Variants in MAGEB17 observed in about 807,000 individuals in gnomAD.
MAGEB17 encodes MAGE family member B17, also known as melanoma-associated antigen B17.
For synonymous variants in MAGEB17, 110 were observed against 112.4 expected (o/e 0.98, Z 0.13); for missense variants, 251 against 281.4 (o/e 0.89, Z 0.77).
intron 1 of MAGEB17, among the ~76,000 whole-genome samples, chrX:16,169,879 A>G (rs995165177): frequency 9.0e-6 from 1 of 111,445 alleles, no homozygotes. Flanking sequence ...AAGGCCATGA[A>G]CAGGGGTGGC....
chrX:16,170,252 C>T, intron 1 of MAGEB17, 82 bp from the exon 2 acceptor site: 1 of 1,079,389 alleles, frequency 9.3e-7, no homozygotes, highest in East Asian at 3.3e-5. Flanking sequence ...GAGCAGGGTC[C>T]TCAAGGACAC....
rs1342059919 is a variant in MAGEB17, at chrX:16,170,988, G to C, written c.606G>C (p.Leu202=). Residue 202 remains leucine, a synonymous_variant, in exon 2 of 2, where the codon CTG becomes CTC. Coordinates refer to ENST00000400004, the MANE Select transcript of MAGEB17 (RefSeq NM_001277307.2). ...GGGGCTTTCCCCTGAGCGGGCTCCT[G>C]ATGGTTCTCCTGAGCACCATCTTCA... ...DGGGFPLSGL[L]MVLLSTIFMH... is the part of the protein sequence containing the mutation. 1.7e-6 allele frequency: 2 copies of C among 1,167,147 alleles called. No homozygotes were observed. The highest frequency in any genetic ancestry group is 5.1e-5 in the Admixed American group (2 of 38,838).
chrX:16,171,215 G>A lies in MAGEB17; in HGVS notation c.833G>A (p.Arg278His), dbSNP rs1012701035. The A allele has an allele frequency of 2.0e-5, 24 of 1,208,259 alleles. No homozygotes were observed. Among genetic ancestry groups the A allele is most frequent in the Non-Finnish European group, 2.3e-5 (21 of 894,510 alleles). ...RYEFLWGPRA[R>H]AETSKMKVLE... The stretch of plus-strand genomic sequence containing the variant: ...GAGTTCCTGTGGGGTCCCAGGGCCC[G>A]TGCTGAAACCAGCAAAATGAAAGTC... The change falls in exon 2 of 2, where the codon CGT (arginine) becomes CAT (histidine). Residue 278 changes from arginine to histidine, a missense_variant. Coordinates refer to ENST00000400004, the MANE Select transcript of MAGEB17 (RefSeq NM_001277307.2).
chrX:16,168,782 C>T (rs1481218603), intron 1 of MAGEB17: 1 of 112,135 alleles, frequency 8.9e-6, no homozygotes, highest in Non-Finnish European at 1.9e-5. Context: ...GGTCAAGTAG[C>T]AAGGTGAAGA....
In MAGEB17 at chrX:16,171,018, T is replaced by C. The variant is rs1923049988; in HGVS notation, c.636T>C (p.His212=). The part of the protein sequence containing the change: ...LMVLLSTIFM[H]GNRATEEEMW... ...TTCTCCTGAGCACCATCTTCATGCATGGCAACCGTGCCACTGAGGAAGAGA... is the reference window on the plus strand; with the variant it reads ...TTCTCCTGAGCACCATCTTCATGCACGGCAACCGTGCCACTGAGGAAGAGA... Residue 212 remains histidine (H), a synonymous_variant, in exon 2 of 2, where the codon CAT becomes CAC. Transcript: ENST00000400004. The C allele has an allele frequency of 8.6e-7, 1 of 1,167,092 alleles. No homozygotes were observed. The highest frequency in any genetic ancestry group is 1.1e-6 in the Non-Finnish European group (1 of 872,892).
chrX:16,170,417 G>A lies in MAGEB17; in HGVS notation c.35G>A (p.Arg12His), dbSNP rs1388945346. ...GGTCAGGCGAGTAAGCGCCGTGCCC[G>A]TGAGAAACGCCGCCAGGCTCGAGGT... ...PRGQASKRRAREKRRQARGED... is the reference protein window; with the variant it reads ...PRGQASKRRAHEKRRQARGED... The change falls in exon 2 of 2, where the codon CGT (arginine) becomes CAT (histidine). Residue 12 changes from arginine (R) to histidine (H), a missense_variant. Transcript: ENST00000400004. The A allele has an allele frequency of 4.3e-6, 5 of 1,164,801 alleles. No individual in the cohort carries two copies. The highest frequency in any genetic ancestry group is 3.6e-5 in the African/African-American group (2 of 55,665).
intron 1 of MAGEB17, chrX:16,168,968 C>T (rs1230025110): frequency 8.9e-6 from 1 of 111,902 alleles, no homozygotes; most frequent in Non-Finnish European, 1.9e-5. Flanking sequence ...CAGGAGACCA[C>T]ATAGAGTCTC....
At chrX:16,169,965 G>A (rs1477207020) in intron 1 of MAGEB17, among the ~76,000 whole-genome samples, 2 of 111,029 alleles carry the variant, frequency 1.8e-5, no homozygotes, top group Non-Finnish European at 3.8e-5. Flanking sequence ...GACCTGAAGG[G>A]AAGGGCCTCA....
chrX:16,170,676 G>A lies in MAGEB17; in HGVS notation c.294G>A (p.Pro98=), dbSNP rs1569131753. 3.4e-6 allele frequency: 4 copies of A among 1,165,593 alleles called. No individual in the cohort carries two copies. The highest frequency in any genetic ancestry group is 1.8e-5 in the African/African-American group (1 of 55,740). The change falls in exon 2 of 2, where the codon CCG becomes CCA. Residue 98 remains proline (P), a synonymous_variant. Coordinates refer to ENST00000400004, the MANE Select transcript of MAGEB17 (RefSeq NM_001277307.2). ...AAAGTCCCAACTCCTTCCATGGCCC[G>A]TCCTCCTCTGAGAGCACAGGAAGAG... ...KGESPNSFHG[P]SSSESTGRDL...
At position 16,170,460 on chromosome X, in the gene MAGEB17, G is replaced by A. The variant is rs2147044719; in HGVS notation, c.78G>A (p.Gly26=). 8.6e-7 allele frequency: 1 copy of A among 1,165,222 alleles called. No individual in the cohort carries two copies. The highest frequency in any genetic ancestry group is 1.9e-5 in the South Asian group (1 of 52,481). The change falls in exon 2 of 2, where the codon GGG becomes GGA. Residue 26 remains glycine (G), a synonymous_variant. Transcript: ENST00000400004. ...CTCGAGGTGAAGACCAATGTCTCGG[G>A]GGTGCTCAAGCCACCGCAGCAGAGA... ...RQARGEDQCL[G]GAQATAAEKE... is the part of the protein sequence containing the mutation.
intron 1 of MAGEB17, among the ~76,000 whole-genome samples, chrX:16,169,066 C>T (rs1488031852): frequency 8.9e-6 from 1 of 111,961 alleles, no homozygotes; most frequent in East Asian, 2.8e-4. Flanking sequence ...GGTGGCGTTT[C>T]AGAGAAGTGG....
chrX:16,169,550 G>T (rs993682373), intron 1 of MAGEB17, among the ~76,000 whole-genome samples: 2 of 111,916 alleles, frequency 1.8e-5, no homozygotes, highest in African/African-American at 6.5e-5. Context: ...GGTTAAGACA[G>T]GAGTGTTTTC....
chrX:16,171,128 A>T lies in MAGEB17; in HGVS notation c.746A>T (p.Asp249Val), dbSNP rs1235522785. 1 of 1,210,162 alleles carries T rather than the reference A, an allele frequency of 8.3e-7. No individual in the cohort carries two copies. The highest frequency in any genetic ancestry group is 1.1e-6 in the Non-Finnish European group (1 of 894,801). Reference protein sequence around the residue: ...YGEPQELVTKDLVREGYLEYQ... With the variant: ...YGEPQELVTKVLVREGYLEYQ... Reference sequence around the variant, plus strand: ...GAGCCCCAGGAGCTTGTCACCAAAGATTTGGTGCGAGAGGGGTACCTGGAG... The same window carrying T: ...GAGCCCCAGGAGCTTGTCACCAAAGTTTTGGTGCGAGAGGGGTACCTGGAG... Residue 249 changes from aspartate to valine, a missense_variant, in exon 2 of 2, where the codon GAT becomes GTT. Coordinates refer to ENST00000400004, the MANE Select transcript of MAGEB17 (RefSeq NM_001277307.2).
In MAGEB17 at chrX:16,171,353, A is replaced by C. The variant is rs1401523455; in HGVS notation, c.971A>C (p.Asp324Ala). ...GCCAGAGCCAGAGCGGTAGCCAGGGATAGCGCCAGGGCCAGGGCTAGCAGG... is the reference window on the plus strand; with the variant it reads ...GCCAGAGCCAGAGCGGTAGCCAGGGCTAGCGCCAGGGCCAGGGCTAGCAGG... ...EQARARAVAR[D>A]SARARASRSF... The change falls in exon 2 of 2, where the codon GAT (aspartate) becomes GCT (alanine). Residue 324 changes from aspartate to alanine, a missense_variant. Physicochemically the swap from Asp to Ala is moderately radical, Grantham distance 126 (BLOSUM62 -2). Coordinates refer to ENST00000400004, the MANE Select transcript of MAGEB17 (RefSeq NM_001277307.2). 1 of 1,145,616 alleles carries C rather than the reference A, an allele frequency of 8.7e-7. No homozygotes were observed. The allele number at this position is 1,145,616 out of a possible 1,213,427, so 94.4% of individuals were successfully genotyped here.
In MAGEB17 at chrX:16,170,459, G is replaced by A. The variant is rs2147044717; in HGVS notation, c.77G>A (p.Gly26Glu). The A allele has an allele frequency of 8.6e-7, 1 of 1,165,681 alleles. No individual in the cohort carries two copies. Among genetic ancestry groups the A allele is most frequent in the South Asian group, 1.9e-5 (1 of 52,510 alleles). ...GCTCGAGGTGAAGACCAATGTCTCG[G>A]GGGTGCTCAAGCCACCGCAGCAGAG... ...RQARGEDQCL[G>E]GAQATAAEKE... The change falls in exon 2 of 2, where the codon GGG becomes GAG. Residue 26 changes from glycine to glutamate, a missense_variant. Physicochemically the swap from Gly to Glu is moderately conservative, Grantham distance 98. Transcript: ENST00000400004.
chrX:16,170,964 G>T lies in MAGEB17; in HGVS notation c.582G>T (p.Gly194=). Residue 194 remains glycine (G), a synonymous_variant, in exon 2 of 2, where the codon GGG becomes GGT. Transcript: ENST00000400004. ...FPNQGSLSDG[G]GFPLSGLLMV... is the part of the protein sequence containing the mutation. ...ATCAAGGAAGCTTGAGCGATGGCGG[G>T]GGCTTTCCCCTGAGCGGGCTCCTGA... 1 of 1,167,376 alleles carries T rather than the reference G, an allele frequency of 8.6e-7. No individual in the cohort carries two copies. The highest frequency in any genetic ancestry group is 1.9e-5 in the South Asian group (1 of 52,743).
Position 16,171,370 on chromosome X carries a change from G to T in MAGEB17, c.988G>T (p.Ala330Ser), listed in dbSNP as rs1307054335. The T allele has an allele frequency of 3.6e-6, 4 of 1,116,777 alleles. No homozygotes were observed. The African/African-American group carries it at 7.4e-5, about 21-fold the overall frequency. 92.0% of individuals were successfully genotyped at this position (1,116,777 alleles called of 1,213,427 possible). A position where few individuals can be genotyped will look rare whatever the true frequency, so the allele number is the denominator to read the frequency against. ...AGCCAGGGATAGCGCCAGGGCCAGG[G>T]CTAGCAGGTCCTTTCAGCCCTAGTG... ...AVARDSARAR[A>S]SRSFQP The change falls in exon 2 of 2, where the codon GCT becomes TCT. Residue 330 changes from alanine (A) to serine (S), a missense_variant. By Grantham distance (99) the Ala-to-Ser change is moderately conservative. Coordinates refer to ENST00000400004, the MANE Select transcript of MAGEB17 (RefSeq NM_001277307.2).
Position 16,171,165 on chromosome X carries a change from G to A in MAGEB17, c.783G>A (p.Val261=). The A allele has an allele frequency of 4.1e-6, 5 of 1,210,868 alleles. No individual in the cohort carries two copies. Among genetic ancestry groups the A allele is most frequent in the Non-Finnish European group, 5.6e-6 (5 of 895,096 alleles). ...VREGYLEYQQ[V]PSSDPPRYEF... is the part of the protein sequence containing the mutation. Reference sequence around the variant, plus strand: ...AGGGGTACCTGGAGTACCAGCAGGTGCCCAGCAGCGATCCTCCACGCTACG... The same window carrying A: ...AGGGGTACCTGGAGTACCAGCAGGTACCCAGCAGCGATCCTCCACGCTACG... The change falls in exon 2 of 2, where the codon GTG becomes GTA. Residue 261 remains valine (V), a synonymous_variant. Coordinates refer to ENST00000400004, the MANE Select transcript of MAGEB17 (RefSeq NM_001277307.2).
At position 16,170,516 on chromosome X, in the gene MAGEB17, C is replaced by A; in HGVS notation, c.134C>A (p.Ala45Glu). 8.6e-7 allele frequency: 1 copy of A among 1,167,510 alleles called. No individual in the cohort carries two copies. The highest frequency in any genetic ancestry group is 1.1e-6 in the Non-Finnish European group (1 of 873,114). Reference sequence around the variant, plus strand: ...AAGCTGCCATCCTCCTCCTCTCCTGCATGCCAGAGTCCTCCCCAGAGCTTC... The same window carrying A: ...AAGCTGCCATCCTCCTCCTCTCCTGAATGCCAGAGTCCTCCCCAGAGCTTC... ...KEKLPSSSSP[A>E]CQSPPQSFPN... The change falls in exon 2 of 2, where the codon GCA (alanine) becomes GAA (glutamate). Residue 45 changes from alanine to glutamate, a missense_variant. Ala to Glu is a moderately radical substitution (Grantham distance 107). Transcript: ENST00000400004.
Sources: gnomAD v4.1 joint callset for allele counts (sites outside exome capture counted in the v4.1 genomes callset) on GRCh38, gnomAD v4.1.1 for gene constraint, MANE v1.5 for transcripts, NCBI Gene and HGNC (gene_info 2026-07-23, HGNC 2026-07-21) for gene names.